KIAA1328: variants seen among roughly 807,000 people sequenced by gnomAD.
KIAA1328 encodes KIAA1328, also known as protein hinderin.
A neutral mutation model predicts 68.1 loss-of-function variants in KIAA1328; 52 were observed. The ratio of observed to expected loss-of-function variants is 0.76; its 90% CI spans 0.61 to 0.96. The LOEUF is 0.96. KIAA1328 is among the 40% of genes least tolerant of loss of function. The probability of loss-of-function intolerance (pLI) is 0.00; values close to 1 mark genes in which losing one functional copy is unlikely to be tolerated. For synonymous variants in KIAA1328, 232 were observed against 239.4 expected (o/e 0.97, Z 0.28); for missense variants, 641 against 677.6 (o/e 0.95, Z 0.60).
intron 6 of KIAA1328, among the ~76,000 whole-genome samples, chr18:37,058,891 G>A (rs961574030): frequency 2.6e-5 from 4 of 151,876 alleles, no homozygotes; most frequent in African/African-American, 9.7e-5. Context: ...AGGGTCTTTT[G>A]TGTGCAAGTT....
At chr18:37,205,586 A>G (rs991545869) in intron 9 of KIAA1328, among the ~76,000 whole-genome samples, 5 of 152,234 alleles carry the variant, frequency 3.3e-5, no homozygotes, top group African/African-American at 9.6e-5. Flanking sequence ...AAAGGACACA[A>G]ATAGGTACTC....
intron 6 of KIAA1328, among the ~76,000 whole-genome samples, chr18:37,026,864 T>C (rs2054603862): frequency 6.6e-6 from 1 of 152,170 alleles, no homozygotes; most frequent in South Asian, 2.1e-4. Flanking sequence ...GTGTTGGAAG[T>C]TCTGGCCAGG....
At chr18:36,993,729 G>T (rs2053279915) in intron 6 of KIAA1328, among the ~76,000 whole-genome samples, 1 of 152,098 alleles carries the variant, frequency 6.6e-6, no homozygotes, top group Admixed American at 6.6e-5. Flanking sequence ...ACTGGATCTT[G>T]CTTAATAAAT....
intron 6 of KIAA1328, among the ~76,000 whole-genome samples, chr18:36,987,560 T>C (rs12955926): frequency 0.73 from 110,828 of 151,436 alleles, 43,699 homozygotes; most frequent in South Asian, 0.89. Flanking sequence ...TGTATAATTC[T>C]ATTAATATAA....
chr18:36,845,579 G>A (rs997147312), intron 4 of KIAA1328, among the ~76,000 whole-genome samples: 2 of 151,574 alleles, frequency 1.3e-5, no homozygotes, highest in Admixed American at 6.6e-5. Context: ...AGAATAAAAC[G>A]CATATTTGAC....
intron 4 of KIAA1328, among the ~76,000 whole-genome samples, chr18:36,879,970 T>C (rs1601115644): frequency 6.6e-6 from 1 of 152,144 alleles, no homozygotes; most frequent in East Asian, 1.9e-4. Context: ...TTGGGCTCTG[T>C]ATGTGTGGGA....
At chr18:37,110,975 A>T (rs1458907307) in intron 7 of KIAA1328, among the ~76,000 whole-genome samples, 1 of 152,256 alleles carries the variant, frequency 6.6e-6, no homozygotes, top group East Asian at 1.9e-4. Flanking sequence ...GCAATTTGGC[A>T]TTGTGTCCTT....
rs75143699 is a variant in KIAA1328, at chr18:37,105,609, A to G, written c.1232+38064A>G. Among the ~76,000 whole-genome samples the G allele has an allele frequency of 7.6e-4, 115 of 151,630 alleles. 1 individual carries two copies. The East Asian group carries it at 0.016, about 22-fold the overall frequency. On this transcript the variant is annotated intron_variant, in intron 7 of 9. Coordinates refer to ENST00000280020, the MANE Select transcript of KIAA1328 (RefSeq NM_020776.3). The stretch of plus-strand genomic sequence containing the variant: ...CATTTTCAAGGATTGGAAATGTCCT[A>G]TTCTCTCTCAGGTTCTTTTGAATTA...
Position 37,061,204 on chromosome 18 carries a change from T to G in KIAA1328, c.577-5686T>G, listed in dbSNP as rs140076471. On this transcript the variant is annotated intron_variant, in intron 6 of 9. Coordinates refer to ENST00000280020, the MANE Select transcript of KIAA1328 (RefSeq NM_020776.3). ...CAACATAGAAGAAGCTAAAAAATTA[T>G]GTTGAGCTAGAAAAACCAGGCACAA... Among the ~76,000 whole-genome samples the G allele has an allele frequency of 3.3e-5, 5 of 152,300 alleles. 1 individual carries two copies. The highest frequency in any genetic ancestry group is 9.6e-5 in the African/African-American group (4 of 41,566).
At chr18:36,934,451 C>T (rs1013880458) in intron 5 of KIAA1328, among the ~76,000 whole-genome samples, 11 of 152,160 alleles carry the variant, frequency 7.2e-5, no homozygotes, top group Non-Finnish European at 1.3e-4. Flanking sequence ...CTAATGCTAT[C>T]CCTCCCTCCT....
intron 6 of KIAA1328, among the ~76,000 whole-genome samples, chr18:36,972,040 A>G (rs1310604764): frequency 6.6e-6 from 1 of 152,260 alleles, no homozygotes. Context: ...TGCAGTATTC[A>G]TGACAGTACA....
intron 6 of KIAA1328, among the ~76,000 whole-genome samples, chr18:37,063,920 ACC>A (rs2056247848): frequency 6.6e-6 from 1 of 152,028 alleles, no homozygotes; most frequent in Non-Finnish European, 1.5e-5. Context: ...TTAAAAACTT[ACC>A]TGTCATTTGA....
intron 6 of KIAA1328, among the ~76,000 whole-genome samples, chr18:37,003,034 A>G (rs1282897613): frequency 6.6e-6 from 1 of 152,124 alleles, no homozygotes; most frequent in Non-Finnish European, 1.5e-5. Context: ...TAAGCCACTT[A>G]TTAGTATCAG....
chr18:37,009,835 A>G (rs567504579), intron 6 of KIAA1328, among the ~76,000 whole-genome samples: 2 of 152,330 alleles, frequency 1.3e-5, no homozygotes, highest in Non-Finnish European at 1.5e-5. Flanking sequence ...TTGTACTTCC[A>G]GAGACTTCAT....
At chr18:37,046,903 G>C (rs1457209939) in intron 6 of KIAA1328, among the ~76,000 whole-genome samples, 2 of 152,158 alleles carry the variant, frequency 1.3e-5, no homozygotes, top group East Asian at 3.9e-4. Context: ...GGCCAAGACG[G>C]GTGGATCACC....
chr18:36,913,658 A>G (rs2151080922), intron 5 of KIAA1328, among the ~76,000 whole-genome samples: 1 of 151,182 alleles, frequency 6.6e-6, no homozygotes, highest in East Asian at 2.0e-4. Context: ...TTGTCTCCAA[A>G]CAATTATGTA....
intron 7 of KIAA1328, among the ~76,000 whole-genome samples, chr18:37,144,021 T>TA (rs1343488740): frequency 1.3e-5 from 2 of 152,184 alleles, no homozygotes; most frequent in Admixed American, 6.5e-5. Context: ...TTATATGTGA[T>TA]AAAATTTACC....
At chr18:37,120,493 G>A (rs540712035) in intron 7 of KIAA1328, among the ~76,000 whole-genome samples, 1 of 152,142 alleles carries the variant, frequency 6.6e-6, no homozygotes, top group Admixed American at 6.6e-5. Flanking sequence ...TAGAATTCCT[G>A]GTAGTTTGAT....
chr18:36,933,153 T>G lies in KIAA1328; in HGVS notation c.449-26155T>G, dbSNP rs1043935177. On this transcript the variant is annotated intron_variant, in intron 5 of 9. Transcript: ENST00000280020. ...CTAAGGAAAACAAATAACAAATACATTGAAGGTCTCTTGTTATAAATATAT... is the reference window on the plus strand; with the variant it reads ...CTAAGGAAAACAAATAACAAATACAGTGAAGGTCTCTTGTTATAAATATAT... Among the ~76,000 whole-genome samples the G allele has an allele frequency of 3.3e-5, 5 of 152,212 alleles. No homozygotes were observed. The East Asian group carries it at 9.6e-4, about 29-fold the overall frequency.
Sources: gnomAD v4.1 joint callset for allele counts (sites outside exome capture counted in the v4.1 genomes callset) on GRCh38, gnomAD v4.1.1 for gene constraint, MANE v1.5 for transcripts, NCBI Gene and HGNC (gene_info 2026-07-23, HGNC 2026-07-21) for gene names.